Variants in PPP1R18 observed in about 807,000 individuals in gnomAD.
PPP1R18 encodes protein phosphatase 1 regulatory subunit 18.
Under a neutral mutation model 54.8 loss-of-function variants are expected in PPP1R18, and 31 were observed. The observed-to-expected ratio is 0.57, with a 90% CI of 0.43 to 0.76. The LOEUF (loss-of-function observed/expected upper bound fraction) is 0.76. Ranked by LOEUF, PPP1R18 falls within the 30% of genes least tolerant of loss-of-function variation. The pLI is 0.00. For missense variants in PPP1R18, 685 were observed against 776.1 expected (o/e 0.88, Z 1.39); for synonymous variants, 310 against 320.2 (o/e 0.97, Z 0.34).
chr6:30,685,190 C>T lies in PPP1R18; in HGVS notation c.829G>A (p.Gly277Arg). 1 of 1,613,112 alleles carries T rather than the reference C, an allele frequency of 6.2e-7. No homozygotes were observed. The highest frequency in any genetic ancestry group is 1.3e-5 in the African/African-American group (1 of 75,064). Residue 277 changes from glycine to arginine, a missense_variant, in exon 1 of 3, where the codon GGG becomes AGG. Physicochemically the swap from Gly to Arg is moderately radical, Grantham distance 125. Coordinates refer to ENST00000274853, the MANE Select transcript of PPP1R18 (RefSeq NM_133471.4). The surrounding 1 kb of genome is among the most constrained non-coding windows in gnomAD (Gnocchi z 5.0). ...EERQDYSEEC[G>R]RKEEWPVPGV... ...GGAACTGGCCACTCTTCTTTTCTCC[C>T]ACATTCTTCCGAGTAGTCTTGTCTT...
In PPP1R18 at chr6:30,679,335, C is replaced by T; in HGVS notation, c.1666G>A (p.Glu556Lys). Residue 556 changes from glutamate (E) to lysine (K), a missense_variant, in exon 2 of 3, where the codon GAG becomes AAG. Coordinates refer to ENST00000274853, the MANE Select transcript of PPP1R18 (RefSeq NM_133471.4). ...ALETTYQYPSESSVLEELGPE... is the reference protein window; with the variant it reads ...ALETTYQYPSKSSVLEELGPE... Reference sequence around the variant, plus strand: ...CCCAGCTCCTCCAGTACCGAACTCTCGGAGGGGTATTGGTACGTGGTCTCC... The same window carrying T: ...CCCAGCTCCTCCAGTACCGAACTCTTGGAGGGGTATTGGTACGTGGTCTCC... 2 of 1,558,678 alleles carry T rather than the reference C, an allele frequency of 1.3e-6. No individual in the cohort carries two copies. The highest frequency in any genetic ancestry group is 1.7e-6 in the Non-Finnish European group (2 of 1,152,480).
In PPP1R18 at chr6:30,685,550, CT is replaced by C; in HGVS notation, c.468del (p.Ile156MetfsTer7). The C allele has an allele frequency of 6.2e-7, 1 of 1,613,086 alleles. No individual in the cohort carries two copies. Among genetic ancestry groups the C allele is most frequent in the Non-Finnish European group, 8.5e-7 (1 of 1,180,026 alleles). ...CTCAGGCTCAACTCTTGGGCTCCCC[CT>C]ATCCCCAGCCTCCTCTCTCTGGTCT... ...PRETRERRLG[I>X]GGAQELSLRP... On this transcript the variant is annotated frameshift_variant, in exon 1 of 3. Transcript: ENST00000274853. LOFTEE classifies it high-confidence loss of function. The surrounding 1 kb of genome is among the most constrained non-coding windows in gnomAD (Gnocchi z 5.0).
intron 2 of PPP1R18, 29 bp from the exon 3 acceptor site, chr6:30,677,317 G>T (rs1470531305): frequency 3.8e-6 from 6 of 1,574,150 alleles, no homozygotes; most frequent in Non-Finnish European, 5.2e-6. Context: ...TAATGTTAGA[G>T]AATGAGTGAG....
intron 2 of PPP1R18, among the ~76,000 whole-genome samples, chr6:30,678,560 A>G (rs1053232095): frequency 4.0e-5 from 6 of 151,456 alleles, no homozygotes; most frequent in African/African-American, 7.3e-5. Flanking sequence ...TTGTATTTTT[A>G]GTAGAGATGG....
chr6:30,684,965 G>A lies in PPP1R18; in HGVS notation c.1054C>T (p.Gln352Ter). 2 of 1,613,102 alleles carry A rather than the reference G, an allele frequency of 1.2e-6. No homozygotes were observed. The highest frequency in any genetic ancestry group is 1.7e-6 in the Non-Finnish European group (2 of 1,180,004). The change falls in exon 1 of 3, where the codon CAA (glutamine) becomes TAA (stop). Residue 352 changes from glutamine (Q) to a stop codon, truncating the protein, a stop_gained. Coordinates refer to ENST00000274853, the MANE Select transcript of PPP1R18 (RefSeq NM_133471.4). LOFTEE classifies it high-confidence loss of function. The surrounding 1 kb of genome is among the most constrained non-coding windows in gnomAD (Gnocchi z 6.0). ...TCTGGAGGTTCTGGTTTCTGAGTTTGAGCCTCTATGTCCCTGGGTGTCCAT... is the reference window on the plus strand; with the variant it reads ...TCTGGAGGTTCTGGTTTCTGAGTTTAAGCCTCTATGTCCCTGGGTGTCCAT... ...REWTPRDIEAQTQKPEPPESA... is the reference protein window; with the variant it reads ...REWTPRDIEA
rs1175431305 is a variant in PPP1R18 at position 30,683,818 on chromosome 6, C to T, written c.1611+590G>A. Among the ~76,000 whole-genome samples the T allele has an allele frequency of 6.6e-6, 1 of 152,064 alleles. No individual in the cohort carries two copies. Among genetic ancestry groups the T allele is most frequent in the East Asian group, 1.9e-4 (1 of 5,192 alleles). On this transcript the variant is annotated intron_variant, in intron 1 of 2. Transcript: ENST00000274853. The surrounding 1 kb of genome is among the most constrained non-coding windows in gnomAD (Gnocchi z 5.1). ...CAAAAGCCTTCTCTCTGATCTTTGG[C>T]CGGCCCGGTTCCATCTCCCCTCTCC...
Position 30,677,117 on chromosome 6 carries a change from C to T in PPP1R18, c.*152G>A. On this transcript the variant is annotated 3_prime_UTR_variant, in exon 3 of 3. Transcript: ENST00000274853. ...GTAGAAATTGGGCAATTGGCTCTGC[C>T]CCCAGAAACAGGGTGGGGAAAGCAA... The T allele has an allele frequency of 1.3e-6, 1 of 787,822 alleles. No individual in the cohort carries two copies. Among genetic ancestry groups the T allele is most frequent in the Non-Finnish European group, 2.3e-6 (1 of 442,040 alleles). The allele number at this position is 787,822 out of a possible 1,614,324, so 48.8% of individuals were successfully genotyped here.
intron 1 of PPP1R18, among the ~76,000 whole-genome samples, chr6:30,681,767 AAAAAG>A (rs1297591228): frequency 9.9e-5 from 15 of 152,158 alleles, no homozygotes; most frequent in African/African-American, 3.1e-4. Context: ...CTCAGAAAAA[AAAAAG>A]AAAAGAAAAG....
Position 30,679,209 on chromosome 6 carries a change from C to G in PPP1R18, c.1792G>C (p.Gly598Arg), listed in dbSNP as rs754949195. The G allele has an allele frequency of 6.3e-7, 1 of 1,586,950 alleles. No homozygotes were observed. Among genetic ancestry groups the G allele is most frequent in the Admixed American group, 1.8e-5 (1 of 55,514 alleles). Residue 598 changes from glycine to arginine, a missense_variant, in exon 2 of 3, where the codon GGC becomes CGC. Physicochemically the swap from Gly to Arg is moderately radical, Grantham distance 125. Transcript: ENST00000274853. ...ATCAGGGCCTTGGTGCGCAGCCCGC[C>G]CTGGAGCTCTGGCTGCAGCAGCAGC... ...ELLLLQPELQ[G>R]GLRTKALIVD...
intron 1 of PPP1R18, 123 bp from the exon 2 acceptor site, chr6:30,679,512 G>C: frequency 2.7e-5 from 7 of 256,546 alleles, no homozygotes; most frequent in Non-Finnish European, 3.6e-5. Context: ...GGGACTGGCG[G>C]AACGTGGGGG....
rs754760651 is a variant in PPP1R18 at position 30,677,178 on chromosome 6, C to T, written c.*91G>A. Reference sequence around the variant, plus strand: ...GTTGGTTGCCCTTCCCTGCCAGGCTCATTATCAGGGTCTGTCTGCCCTGAA... The same window carrying T: ...GTTGGTTGCCCTTCCCTGCCAGGCTTATTATCAGGGTCTGTCTGCCCTGAA... On this transcript the variant is annotated 3_prime_UTR_variant, in exon 3 of 3. Coordinates refer to ENST00000274853, the MANE Select transcript of PPP1R18 (RefSeq NM_133471.4). The T allele has an allele frequency of 1.6e-6, 2 of 1,234,594 alleles. No individual in the cohort carries two copies. Among genetic ancestry groups the T allele is most frequent in the Non-Finnish European group, 1.2e-6 (1 of 835,236 alleles). The allele number at this position is 1,234,594 out of a possible 1,614,324, so 76.5% of individuals were successfully genotyped here. A position where few individuals can be genotyped will look rare whatever the true frequency, so the allele number is the denominator to read the frequency against.
upstream of PPP1R18, chr6:30,688,216 C>T (rs1057371705): frequency 1.6e-5 from 3 of 182,946 alleles, no homozygotes; most frequent in African/African-American, 4.7e-5. The surrounding 1 kb of genome is among the most constrained non-coding windows in gnomAD (Gnocchi z 5.9). Flanking sequence ...AGTGGTGAGG[C>T]AAGGTTGGGG....
At chr6:30,679,078 C>G in intron 2 of PPP1R18, 101 bp downstream of exon 2, 1 of 927,164 alleles carries the variant, frequency 1.1e-6, no homozygotes, top group Non-Finnish European at 1.6e-6. Flanking sequence ...CCGCCAAGCC[C>G]CTTCCGAGTG....
In PPP1R18 at chr6:30,684,708, G is replaced by C; in HGVS notation, c.1311C>G (p.Ala437=). 1 of 1,478,938 alleles carries C rather than the reference G, an allele frequency of 6.8e-7. No individual in the cohort carries two copies. Among genetic ancestry groups the C allele is most frequent in the South Asian group, 1.4e-5 (1 of 73,578 alleles). The allele number at this position is 1,478,938 out of a possible 1,614,324, so 91.6% of individuals were successfully genotyped here. The change falls in exon 1 of 3, where the codon GCC becomes GCG. Residue 437 remains alanine, a synonymous_variant. Transcript: ENST00000274853. This position sits in a 1 kb window ranked among gnomAD's most constrained non-coding sequence, Gnocchi z 6.0. The part of the protein sequence containing the change: ...PPAPLSPPPP[A]PTAPQPPGDP... ...CCCCAGGAGGTTGGGGGGCAGTTGG[G>C]GCTGGGGGTGGGGGAGACAGAGGGG...
At chr6:30,680,154 C>A (rs964013731) in intron 1 of PPP1R18, among the ~76,000 whole-genome samples, 1 of 152,094 alleles carries the variant, frequency 6.6e-6, no homozygotes, top group Admixed American at 6.6e-5. Flanking sequence ...GGGTGGGGGT[C>A]CACAGTGTGC....
chr6:30,680,271 T>C (rs777470519), intron 1 of PPP1R18, among the ~76,000 whole-genome samples: 11 of 152,176 alleles, frequency 7.2e-5, no homozygotes, highest in Non-Finnish European at 1.6e-4. Flanking sequence ...ACTGCCTTTC[T>C]ACCCTTCCCC....
intron 1 of PPP1R18, among the ~76,000 whole-genome samples, chr6:30,681,464 C>T (rs1431334551): frequency 1.3e-5 from 2 of 151,942 alleles, no homozygotes; most frequent in Admixed American, 6.6e-5. Context: ...CTCATGTCTG[C>T]TGTTGAAAGG....
In PPP1R18 at chr6:30,683,996, A is replaced by G. The variant is rs954774450; in HGVS notation, c.1611+412T>C. On this transcript the variant is annotated intron_variant, in intron 1 of 2. Coordinates refer to ENST00000274853, the MANE Select transcript of PPP1R18 (RefSeq NM_133471.4). This position sits in a 1 kb window ranked among gnomAD's most constrained non-coding sequence, Gnocchi z 5.1. The stretch of plus-strand genomic sequence containing the variant: ...CAGGCTCCCTATCCCTTCTCCCCAG[A>G]AAAACTGCAAGTGCTCTCACCCTGG... 1.3e-4 allele frequency among the ~76,000 whole-genome samples: 20 copies of G among 151,496 alleles called. No homozygotes were observed. The highest frequency in any genetic ancestry group is 3.6e-4 in the African/African-American group (15 of 41,238).
chr6:30,681,040 G>A (rs151155542), intron 1 of PPP1R18, among the ~76,000 whole-genome samples: 1,803 of 148,448 alleles, frequency 0.012, 15 homozygotes, highest in Middle Eastern at 0.024. Flanking sequence ...AGCCGAGGTC[G>A]CGCCACTGCT....
Sources: allele counts gnomAD v4.1 joint callset (sites outside exome capture counted in the v4.1 genomes callset), GRCh38; gene constraint gnomAD v4.1.1; non-coding constraint Gnocchi (gnomAD v3.1); transcripts MANE v1.5; gene names NCBI Gene and HGNC (gene_info 2026-07-23, HGNC 2026-07-21).